Variants in MACF1 observed in about 807,000 individuals in gnomAD.
MACF1 encodes microtubule actin crosslinking factor 1.
Under a neutral mutation model 854.8 loss-of-function variants are expected in MACF1, and 193 were observed. The ratio of observed to expected loss-of-function variants is 0.23; its 90% CI spans 0.20 to 0.25. The LOEUF (loss-of-function observed/expected upper bound fraction) is 0.25, where lower values mean the gene tolerates loss of function less well. Ranked by LOEUF, MACF1 falls within the 10% of genes least tolerant of loss-of-function variation. The pLI, the probability that MACF1 is intolerant of heterozygous loss-of-function variation, is 1.00. For missense variants in MACF1, 7,722 were observed against 8,929.1 expected (o/e 0.86, Z 5.45); for synonymous variants, 3,185 against 3,226.7 (o/e 0.99, Z 0.44).
chr1:39,319,320 A>G lies in MACF1; in HGVS notation c.3946-344A>G, dbSNP rs117559089. On this transcript the variant is annotated intron_variant, in intron 30 of 100. Coordinates refer to ENST00000564288, the MANE Select transcript of MACF1 (RefSeq NM_001394062.1). ...CACCTGGGGACATGTTAGGAATGCA[A>G]GTTCTTGGGTTGGGCACAGTGGCTT... Among the ~76,000 whole-genome samples, 48 of 152,280 alleles carry G rather than the reference A, an allele frequency of 3.2e-4. 1 individual carries two copies. In the East Asian group the frequency reaches 8.1e-3, roughly 26 times the overall value.
intron 20 of MACF1, among the ~76,000 whole-genome samples, chr1:39,296,784 G>GGA (rs1557571347): frequency 4.2e-5 from 3 of 71,584 alleles, no homozygotes; most frequent in South Asian, 4.6e-4. Flanking sequence ...AAGAAAGAAA[G>GGA]AAAGAAAGGA....
intron 58 of MACF1, among the ~76,000 whole-genome samples, chr1:39,403,055 TG>T (rs1642537660): frequency 6.7e-6 from 1 of 149,698 alleles, no homozygotes; most frequent in African/African-American, 2.5e-5. Context: ...TTTTTTTGTT[TG>T]GTTTGGTTTT....
At chr1:39,180,044 T>G (rs1010923079) in intron 2 of MACF1, among the ~76,000 whole-genome samples, 1 of 151,998 alleles carries the variant, frequency 6.6e-6, no homozygotes, top group Non-Finnish European at 1.5e-5. Flanking sequence ...AATGAAGTTA[T>G]GCTCTCCTTT....
intron 2 of MACF1, among the ~76,000 whole-genome samples, chr1:39,157,944 C>G (rs1325800660): frequency 6.6e-6 from 1 of 152,096 alleles, no homozygotes; most frequent in East Asian, 1.9e-4. Flanking sequence ...GTTTTCTCAT[C>G]TGATAATGAA....
intron 44 of MACF1, among the ~76,000 whole-genome samples, chr1:39,353,682 G>A (rs1031526832): frequency 6.6e-6 from 1 of 152,048 alleles, no homozygotes. Context: ...ACATCAGCCT[G>A]AAAATGGAAC....
chr1:39,206,303 T>C (rs1039194379), intron 1 of MACF1, among the ~76,000 whole-genome samples: 1 of 152,224 alleles, frequency 6.6e-6, no homozygotes, highest in Non-Finnish European at 1.5e-5. Flanking sequence ...GTGGCTTTCC[T>C]GTATTTGAAC....
chr1:39,123,729 T>G (rs1416793734), intron 2 of MACF1, among the ~76,000 whole-genome samples: 3 of 141,648 alleles, frequency 2.1e-5, no homozygotes, highest in African/African-American at 7.8e-5. Flanking sequence ...TTTTTTTTTT[T>G]TTTTTTTTGT....
intron 58 of MACF1, among the ~76,000 whole-genome samples, chr1:39,415,689 C>T (rs1198647533): frequency 1.3e-5 from 2 of 152,046 alleles, no homozygotes; most frequent in African/African-American, 4.8e-5. Context: ...GTTAGAGAAC[C>T]GAATGTGTTA....
At chr1:39,375,309 T>C (rs1256000284) in intron 52 of MACF1, among the ~76,000 whole-genome samples, 3 of 151,340 alleles carry the variant, frequency 2.0e-5, no homozygotes, top group African/African-American at 7.3e-5. Flanking sequence ...TTCTTTCTTT[T>C]TTTTTTTCCT....
intron 2 of MACF1, among the ~76,000 whole-genome samples, chr1:39,138,796 C>G (rs1643251552): frequency 6.6e-6 from 1 of 151,972 alleles, no homozygotes; most frequent in South Asian, 2.1e-4. Flanking sequence ...TCCTGAGTAG[C>G]TGGGATTACA....
intron 6 of MACF1, among the ~76,000 whole-genome samples, chr1:39,259,542 G>A (rs999599251): frequency 1.3e-5 from 2 of 152,086 alleles, no homozygotes; most frequent in African/African-American, 2.4e-5. Context: ...GATTACAGGC[G>A]TGAGCCACCG....
At chr1:39,118,847 C>G (rs1287203260) in intron 2 of MACF1, among the ~76,000 whole-genome samples, 1 of 152,182 alleles carries the variant, frequency 6.6e-6, no homozygotes, top group Non-Finnish European at 1.5e-5. Context: ...TATTGTCTGA[C>G]AGCAGAGCCG....
intron 79 of MACF1, among the ~76,000 whole-genome samples, chr1:39,444,022 G>A (rs1055145882): frequency 6.6e-6 from 1 of 152,178 alleles, no homozygotes; most frequent in African/African-American, 2.4e-5. Context: ...AGTCTTTTGA[G>A]GGATCTCTAA....
At chr1:39,430,135 C>T (rs1300114714) in intron 65 of MACF1, 67 bp downstream of exon 65, 120 of 1,516,336 alleles carry the variant, frequency 7.9e-5, no homozygotes, top group Non-Finnish European at 1.1e-4. Flanking sequence ...TAAGTTTTAT[C>T]AACCTTTACC....
At chr1:39,198,459 T>TGGGC (rs1644350309) in intron 2 of MACF1, among the ~76,000 whole-genome samples, 1 of 151,754 alleles carries the variant, frequency 6.6e-6, no homozygotes, top group African/African-American at 2.4e-5. Flanking sequence ...GAGACCAGCC[T>TGGGC]AACCAATGTG....
In MACF1 at chr1:39,232,675, C is replaced by T. The variant is rs181856977; in HGVS notation, c.171+1432C>T. On this transcript the variant is annotated intron_variant, in intron 2 of 100. Coordinates refer to ENST00000564288, the MANE Select transcript of MACF1 (RefSeq NM_001394062.1). ...TGGATATGGGATGATCTCACAGAAT[C>T]TGATGTCTAGATGCAGCTGGGCTTT... Among the ~76,000 whole-genome samples the T allele has an allele frequency of 7.7e-4, 117 of 151,126 alleles. 1 individual carries two copies. The highest frequency in any genetic ancestry group is 2.8e-3 in the African/African-American group (113 of 41,058).
At position 39,484,695 on chromosome 1, in the gene MACF1, C is replaced by T. The variant is rs762629319; in HGVS notation, c.22376C>T (p.Ser7459Phe). The stretch of plus-strand genomic sequence containing the variant: ...GCTGGTGATACCAGCAATAGTTCTT[C>T]CCCGGCCTCCACAGGTGCCAAAACT... ...SLAGDTSNSS[S>F]PASTGAKTNR... The change falls in exon 100 of 101, where the codon TCC becomes TTC. Residue 7459 changes from serine to phenylalanine, a missense_variant. By Grantham distance (155) the Ser-to-Phe change is radical. Around this residue, in one of 15 missense-constraint regions of MACF1, gnomAD observed 185 missense variants for 225.7 expected, o/e 0.82. Coordinates refer to ENST00000564288, the MANE Select transcript of MACF1 (RefSeq NM_001394062.1). The T allele has an allele frequency of 1.2e-6, 2 of 1,614,106 alleles. No homozygotes were observed. The highest frequency in any genetic ancestry group is 1.7e-6 in the Non-Finnish European group (2 of 1,179,976).
chr1:39,365,954 G>A (rs578178281), intron 49 of MACF1, among the ~76,000 whole-genome samples: 1 of 152,272 alleles, frequency 6.6e-6, no homozygotes, highest in South Asian at 2.1e-4. Flanking sequence ...GAGATTACAG[G>A]CATGAGCCAC....
chr1:39,283,476 C>G lies in MACF1; in HGVS notation c.876C>G (p.Phe292Leu), dbSNP rs1645590606. 1 of 1,612,002 alleles carries G rather than the reference C, an allele frequency of 6.2e-7. No individual in the cohort carries two copies. Among genetic ancestry groups the G allele is most frequent in the African/African-American group, 1.3e-5 (1 of 74,858 alleles). Reference sequence around the variant, plus strand: ...ATGTGTCTTCGATTTATGATGCCTTCCCTAAAGTTCCTGAGGGTGGAGAAG... The same window carrying G: ...ATGTGTCTTCGATTTATGATGCCTTGCCTAAAGTTCCTGAGGGTGGAGAAG... ...ITYVSSIYDAFPKVPEGGEGI... is the reference protein window; with the variant it reads ...ITYVSSIYDALPKVPEGGEGI... The change falls in exon 9 of 101, where the codon TTC (phenylalanine) becomes TTG (leucine). Residue 292 changes from phenylalanine (F) to leucine (L), a missense_variant. Physicochemically the swap from Phe to Leu is conservative, Grantham distance 22. Around this residue, in one of 15 missense-constraint regions of MACF1, gnomAD observed 97 missense variants for 130.4 expected, o/e 0.74. Transcript: ENST00000564288. The surrounding 1 kb of genome is among the most constrained non-coding windows in gnomAD (Gnocchi z 4.5).
Sources: allele counts gnomAD v4.1 joint callset (sites outside exome capture counted in the v4.1 genomes callset), GRCh38; gene constraint gnomAD v4.1.1; regional missense constraint gnomAD v4.1.1; non-coding constraint Gnocchi (gnomAD v3.1); transcripts MANE v1.5; gene names NCBI Gene and HGNC (gene_info 2026-07-23, HGNC 2026-07-21).